Variants in MIR2052HG observed in about 807,000 individuals in gnomAD.
MIR2052HG encodes the protein MIR2052 host gene.
At chr8:74,710,183 T>C (rs569482875) in intron 4 of MIR2052HG, among the ~76,000 whole-genome samples, 409 of 152,244 alleles carry the variant, frequency 2.7e-3, no homozygotes, top group Non-Finnish European at 3.8e-3. Flanking sequence ...TCTGGTTCCT[T>C]TGGGGGAAAG....
At chr8:74,702,798 T>C (rs969226196) in intron 3 of MIR2052HG, among the ~76,000 whole-genome samples, 5 of 152,092 alleles carry the variant, frequency 3.3e-5, no homozygotes, top group Non-Finnish European at 7.4e-5. Flanking sequence ...ACATGGCCCA[T>C]GCTAAAGTTT....
intron 4 of MIR2052HG, among the ~76,000 whole-genome samples, chr8:74,722,596 A>G (rs1252886204): frequency 6.6e-6 from 1 of 152,006 alleles, no homozygotes; most frequent in African/African-American, 2.4e-5. Context: ...TATCAACAGG[A>G]TTTCTTTGGT....
intron 2 of MIR2052HG, among the ~76,000 whole-genome samples, chr8:74,674,680 C>T (rs772198101): frequency 1.3e-5 from 2 of 151,800 alleles, no homozygotes; most frequent in Admixed American, 6.6e-5. Context: ...ATCTTTTTCA[C>T]CTTCTCGTTG....
chr8:74,725,696 G>A (rs1809626922), intron 4 of MIR2052HG, among the ~76,000 whole-genome samples: 1 of 152,060 alleles, frequency 6.6e-6, no homozygotes, highest in Non-Finnish European at 1.5e-5. Flanking sequence ...TTATGCTAAA[G>A]CCCGGAAGGT....
intron 2 of MIR2052HG, among the ~76,000 whole-genome samples, chr8:74,640,716 G>A (rs1241789170): frequency 6.6e-6 from 1 of 152,164 alleles, no homozygotes; most frequent in Non-Finnish European, 1.5e-5. Context: ...AGATCTAACA[G>A]TATCCCAGGA....
rs61228134 is a variant in MIR2052HG, at chr8:74,673,887, G to GTATATATATATATATATATATATA, written n.217-28491_217-28468dup. ...GTCACAATCAACACAGTATTTTTTT[G>GTATATATATATATATATATATATA]TATATATATATATATATATATATAC... On this transcript the variant is annotated intron_variant and non_coding_transcript_variant, in intron 2 of 6. Coordinates refer to ENST00000523442, the Ensembl canonical transcript of MIR2052HG. Among the ~76,000 whole-genome samples the GTATATATATATATATATATATATA allele has an allele frequency of 6.1e-4, 74 of 121,620 alleles. 1 individual carries two copies. The highest frequency in any genetic ancestry group is 2.7e-3 in the African/African-American group (68 of 25,480). The allele number at this position is 121,620 out of a possible 152,430, so 79.8% of individuals were successfully genotyped here.
intron 2 of MIR2052HG, among the ~76,000 whole-genome samples, chr8:74,621,959 A>G (rs894254277): frequency 4.6e-5 from 7 of 152,352 alleles, no homozygotes; most frequent in Middle Eastern, 3.4e-3. Context: ...AAAAGAAATC[A>G]TAGGTTAAAA....
intron 1 of MIR2052HG, chr8:74,603,382 A>T: frequency 6.2e-7 from 1 of 1,611,232 alleles, no homozygotes; most frequent in African/African-American, 1.3e-5. Context: ...AGTGATGGTA[A>T]CCTGCCTATC....
intron 2 of MIR2052HG, among the ~76,000 whole-genome samples, chr8:74,667,212 G>A (rs1808939114): frequency 6.6e-6 from 1 of 152,148 alleles, no homozygotes; most frequent in African/African-American, 2.4e-5. Context: ...TGGAGAAAAG[G>A]GTGGGCTTAT....
At chr8:74,716,887 C>T (rs1200499739) in intron 4 of MIR2052HG, among the ~76,000 whole-genome samples, 1 of 151,796 alleles carries the variant, frequency 6.6e-6, no homozygotes. Flanking sequence ...TTTGCCACTG[C>T]TTTTTTTATA....
intron 4 of MIR2052HG, among the ~76,000 whole-genome samples, chr8:74,715,964 C>T (rs905817670): frequency 6.6e-6 from 1 of 152,166 alleles, no homozygotes; most frequent in Non-Finnish European, 1.5e-5. Context: ...GCTGTCTTAG[C>T]CTACGTCCCT....
At chr8:74,688,958 A>G (rs1809211996) in intron 2 of MIR2052HG, among the ~76,000 whole-genome samples, 1 of 152,232 alleles carries the variant, frequency 6.6e-6, no homozygotes, top group African/African-American at 2.4e-5. Context: ...TGAAGGAGCT[A>G]ATAAAATTGG....
intron 2 of MIR2052HG, among the ~76,000 whole-genome samples, chr8:74,686,487 G>A (rs1383957912): frequency 2.0e-5 from 3 of 151,930 alleles, no homozygotes; most frequent in Non-Finnish European, 4.4e-5. Flanking sequence ...CCAGCTATAT[G>A]CCAGACATTC....
At chr8:74,749,848 CAA>C (rs10628806) in intron 4 of MIR2052HG, among the ~76,000 whole-genome samples, 12 of 107,720 alleles carry the variant, frequency 1.1e-4, no homozygotes, top group South Asian at 3.3e-4. Flanking sequence ...GACTCCATCT[CAA>C]AAAAAAAAAA....
At chr8:74,610,782 TCAATTGAATAA>T (rs1808183094) in intron 1 of MIR2052HG, among the ~76,000 whole-genome samples, 3 of 151,986 alleles carry the variant, frequency 2.0e-5, no homozygotes, top group South Asian at 4.1e-4. Flanking sequence ...TATCAATAAT[TCAATTGAATAA>T]CAATTGAATA....
At chr8:74,735,720 A>C (rs943118020) in intron 4 of MIR2052HG, among the ~76,000 whole-genome samples, 3 of 152,220 alleles carry the variant, frequency 2.0e-5, no homozygotes, top group Admixed American at 2.0e-4. Flanking sequence ...TTTTACTAAA[A>C]GTTCCGGGTG....
chr8:74,632,350 C>T (rs1231106458), intron 2 of MIR2052HG: 4 of 152,112 alleles, frequency 2.6e-5, no homozygotes, highest in African/African-American at 9.7e-5. Flanking sequence ...CCACCAGAGC[C>T]TGCGTTTGTG....
At chr8:74,681,318 G>C (rs541874012) in intron 2 of MIR2052HG, among the ~76,000 whole-genome samples, 40 of 152,060 alleles carry the variant, frequency 2.6e-4, no homozygotes, top group South Asian at 1.0e-3. Context: ...TAAGAAACTT[G>C]ATGTATTTAT....
intron 4 of MIR2052HG, among the ~76,000 whole-genome samples, chr8:74,746,091 G>C (rs1250137574): frequency 6.6e-6 from 1 of 152,092 alleles, no homozygotes; most frequent in Non-Finnish European, 1.5e-5. Flanking sequence ...TTAAGAAAGT[G>C]GTTTGATTCT....
Sources: allele counts gnomAD v4.1 joint callset (sites outside exome capture counted in the v4.1 genomes callset), GRCh38; gene constraint gnomAD v4.1.1; transcripts MANE v1.5; gene names NCBI Gene and HGNC (gene_info 2026-07-23, HGNC 2026-07-21).